The following CLTCL1 variants were observed in gnomAD, a reference collection of about 807,000 sequenced individuals.
CLTCL1 encodes clathrin heavy chain 2.
CLTCL1 carries 159 observed loss-of-function variants against 190.0 expected under a neutral mutation model. The observed-to-expected ratio is 0.84, with a 90% CI of 0.74 to 0.95. The LOEUF (loss-of-function observed/expected upper bound fraction) is 0.95, where lower values mean the gene tolerates loss of function less well. Ranked by LOEUF, CLTCL1 falls within the 40% of genes least tolerant of loss-of-function variation. The pLI, the probability that CLTCL1 is intolerant of heterozygous loss-of-function variation, is 0.00. For missense variants in CLTCL1, 1,878 were observed against 2,033.4 expected, an observed-to-expected ratio of 0.92 and a Z score of 1.47; for synonymous variants, 752 against 769.6, an observed-to-expected ratio of 0.98 and a Z score of 0.38.
Position 19,210,521 on chromosome 22 carries a change from G to C in CLTCL1, c.3066-12C>G. 1 of 1,606,738 alleles carries C rather than the reference G, an allele frequency of 6.2e-7. No homozygotes were observed. Among genetic ancestry groups the C allele is most frequent in the South Asian group, 1.1e-5 (1 of 90,842 alleles). On this transcript the variant is annotated splice_polypyrimidine_tract_variant and intron_variant, in intron 19 of 32. Transcript: ENST00000427926. ...GATTCTGTAGATTCCTGAGGAGAGA[G>C]GGTGGTCAGCACGGCATCCCAGGAA...
chr22:19,219,734 C>A (rs2085507764), intron 18 of CLTCL1, 151 bp downstream of exon 18: 1 of 1,137,944 alleles, frequency 8.8e-7, no homozygotes, highest in Admixed American at 2.3e-5. Context: ...GATCCACCCA[C>A]CTCCGCCTCC....
At chr22:19,224,464 G>A (rs1471533274) in intron 13 of CLTCL1, among the ~76,000 whole-genome samples, 1 of 152,152 alleles carries the variant, frequency 6.6e-6, no homozygotes, top group East Asian at 1.9e-4. Flanking sequence ...TCAACACAGA[G>A]CTGACAGTGA....
chr22:19,187,998 C>G lies in CLTCL1; in HGVS notation c.4417G>C (p.Glu1473Gln), dbSNP rs2146220793. 6.2e-7 allele frequency: 1 copy of G among 1,614,018 alleles called. No homozygotes were observed. Among genetic ancestry groups the G allele is most frequent in the Non-Finnish European group, 8.5e-7 (1 of 1,179,864 alleles). The stretch of plus-strand genomic sequence containing the variant: ...ACACCCACCTGATAGTCCTCCTCCT[C>G]TGTCAGCAGGTGGTTGAGTGCCTCA... ...VNEALNHLLT[E>Q]EEDYQGLRAS... Residue 1473 changes from glutamate to glutamine, a missense_variant, in exon 28 of 33, where the codon GAG (glutamate) becomes CAG (glutamine). Transcript: ENST00000427926.
intron 1 of CLTCL1, among the ~76,000 whole-genome samples, chr22:19,281,785 A>G (rs1474488818): frequency 1.3e-5 from 2 of 152,186 alleles, no homozygotes; most frequent in Admixed American, 6.5e-5. Flanking sequence ...AAGAATTGGT[A>G]ATCCTGAATA....
At chr22:19,233,118 A>C in intron 9 of CLTCL1, 48 bp downstream of exon 9, 1 of 1,576,610 alleles carries the variant, frequency 6.3e-7, no homozygotes, top group Non-Finnish European at 8.7e-7. Context: ...CAACCACTCA[A>C]CCACACGTGA....
intron 26 of CLTCL1, among the ~76,000 whole-genome samples, chr22:19,194,830 T>C (rs892872482): frequency 2.0e-5 from 3 of 152,164 alleles, no homozygotes; most frequent in African/African-American, 2.4e-5. Flanking sequence ...CAAATACAGA[T>C]TGGATGTCGT....
intron 2 of CLTCL1, chr22:19,258,872 A>C (rs1278187310): frequency 2.0e-6 from 1 of 488,726 alleles, no homozygotes; most frequent in African/African-American, 2.0e-5. Flanking sequence ...GTTAAAAAAA[A>C]CCCCAACAAT....
Position 19,234,622 on chromosome 22 carries a change from C to A in CLTCL1, c.1054G>T (p.Ala352Ser), listed in dbSNP as rs1473463101. The A allele has an allele frequency of 6.2e-7, 1 of 1,613,866 alleles. No homozygotes were observed. Among genetic ancestry groups the A allele is most frequent in the African/African-American group, 1.3e-5 (1 of 74,924 alleles). The change falls in exon 7 of 33, where the codon GCC becomes TCC. Residue 352 changes from alanine to serine, a missense_variant. By Grantham distance (99) the Ala-to-Ser change is moderately conservative (BLOSUM62 1). Transcript: ENST00000427926. The part of the protein sequence containing the change: ...LQNPDLGLRL[A>S]VRSNLAGAEK... ...GCCCCAGCCAGGTTACTACGAACGG[C>A]CAAACGCAGACCAAGGTCTGGATTC...
At chr22:19,210,219 G>T in intron 20 of CLTCL1, 107 bp downstream of exon 20, 1 of 1,079,752 alleles carries the variant, frequency 9.3e-7, no homozygotes, top group Non-Finnish European at 1.3e-6. Flanking sequence ...GAGATGCACT[G>T]GACAACCAGA....
At chr22:19,266,528 A>G (rs1457867212) in intron 2 of CLTCL1, among the ~76,000 whole-genome samples, 1 of 152,246 alleles carries the variant, frequency 6.6e-6, no homozygotes, top group African/African-American at 2.4e-5. Flanking sequence ...TCCTTCACAG[A>G]TTCTTTCAGA....
intron 7 of CLTCL1, among the ~76,000 whole-genome samples, chr22:19,234,257 T>C (rs1021338895): frequency 6.6e-6 from 1 of 152,192 alleles, no homozygotes; most frequent in Non-Finnish European, 1.5e-5. Context: ...TGAAACTGTA[T>C]CTAAGCTGTT....
intron 11 of CLTCL1, among the ~76,000 whole-genome samples, chr22:19,226,668 C>T (rs1408146687): frequency 6.6e-6 from 1 of 152,216 alleles, no homozygotes; most frequent in African/African-American, 2.4e-5. Flanking sequence ...GCTGAGGCTC[C>T]ATAAAGCCCT....
chr22:19,256,220 C>CA lies in CLTCL1; in HGVS notation c.251-1994dup, dbSNP rs1460090336. Among the ~76,000 whole-genome samples the CA allele has an allele frequency of 2.0e-5, 3 of 151,970 alleles. No individual in the cohort carries two copies. In the East Asian group the frequency reaches 5.8e-4, roughly 29 times the overall value. The stretch of plus-strand genomic sequence containing the variant: ...TCACCCAGGCTGGAGTACAGTGGAG[C>CA]AATCATAGCTCATTGCAACCTCAAA... On this transcript the variant is annotated intron_variant, in intron 2 of 32. Transcript: ENST00000427926.
chr22:19,205,991 A>G (rs1440332293), intron 22 of CLTCL1, among the ~76,000 whole-genome samples: 1 of 151,960 alleles, frequency 6.6e-6, no homozygotes, highest in Non-Finnish European at 1.5e-5. Context: ...CAGTGGCACA[A>G]TCACAGCTCA....
intron 29 of CLTCL1, among the ~76,000 whole-genome samples, chr22:19,186,303 A>C (rs2084312499): frequency 6.6e-6 from 1 of 152,084 alleles, no homozygotes; most frequent in South Asian, 2.1e-4. Flanking sequence ...CACAGCACCC[A>C]CAAGGGCCCT....
chr22:19,228,635 T>C (rs2085827582), intron 11 of CLTCL1, among the ~76,000 whole-genome samples: 1 of 152,182 alleles, frequency 6.6e-6, no homozygotes, highest in Non-Finnish European at 1.5e-5. Context: ...TAATATGTTG[T>C]TTCCTAATTA....
chr22:19,276,736 C>A (rs1255202900), intron 1 of CLTCL1, among the ~76,000 whole-genome samples: 1 of 152,138 alleles, frequency 6.6e-6, no homozygotes, highest in Non-Finnish European at 1.5e-5. Flanking sequence ...GTGGTGCGAT[C>A]TCGGCTCACT....
chr22:19,184,879 CTCAGGGAGGCT>C lies in CLTCL1; in HGVS notation c.4606-1279_4606-1269del, dbSNP rs371824452. On this transcript the variant is annotated intron_variant, in intron 29 of 32. Coordinates refer to ENST00000427926, the MANE Select transcript of CLTCL1 (RefSeq NM_007098.4). ...CATCACCTCCCCGGCCCATGCCACT[CTCAGGGAGGCT>C]TCATCCTGGTCCCCATCCCTGTGTC... 955 of 282,326 alleles carry C rather than the reference CTCAGGGAGGCT, an allele frequency of 3.4e-3. 9 individuals are homozygous for C. Among genetic ancestry groups the C allele is most frequent in the African/African-American group, 0.018 (828 of 45,104 alleles). 17.5% of individuals were successfully genotyped at this position (282,326 alleles called of 1,614,324 possible).
intron 24 of CLTCL1, among the ~76,000 whole-genome samples, chr22:19,197,091 C>T (rs2084734932): frequency 6.6e-6 from 1 of 152,166 alleles, no homozygotes; most frequent in Admixed American, 6.5e-5. Context: ...TGATGGCCAG[C>T]CCCTTGCATT....
Sources: gnomAD v4.1 joint callset for allele counts (sites outside exome capture counted in the v4.1 genomes callset) on GRCh38, gnomAD v4.1.1 for gene constraint, MANE v1.5 for transcripts, NCBI Gene and HGNC (gene_info 2026-07-23, HGNC 2026-07-21) for gene names.